Variants in KDM4B observed in about 807,000 individuals in gnomAD.
The protein encoded by KDM4B is lysine demethylase 4B.
KDM4B carries 32 observed loss-of-function variants against 125.2 expected under a neutral mutation model. The observed-to-expected ratio is 0.26, with a 90% CI of 0.19 to 0.34. KDM4B has a LOEUF of 0.34. Among genes scored for constraint, KDM4B ranks in the 10% least tolerant of loss-of-function variants. KDM4B has a pLI of 1.00. For synonymous variants in KDM4B, 721 were observed against 677.9 expected, an observed-to-expected ratio of 1.06 and a Z score of -0.99; for missense variants, 1,190 against 1,577.7, an observed-to-expected ratio of 0.75 and a Z score of 4.16.
intron 6 of KDM4B, among the ~76,000 whole-genome samples, chr19:5,068,002 C>T (rs538551807): frequency 5.3e-5 from 8 of 152,118 alleles, no homozygotes; most frequent in African/African-American, 9.7e-5. Context: ...TTTACAGCCC[C>T]GAGAAATTGC....
At chr19:4,992,263 TTTTG>T (rs1308650594) in intron 1 of KDM4B, among the ~76,000 whole-genome samples, 3 of 152,300 alleles carry the variant, frequency 2.0e-5, no homozygotes, top group South Asian at 2.1e-4. Flanking sequence ...GCTGTCTCTA[TTTTG>T]TTTATTTTTG....
intron 10 of KDM4B, chr19:5,112,159 A>C (rs1406296067): frequency 1.8e-5 from 5 of 279,892 alleles, no homozygotes; most frequent in Non-Finnish European, 3.4e-5. Context: ...AGGCTGAGGC[A>C]GGAAGATCAC....
rs1239765250 is a variant in KDM4B at position 5,137,594 on chromosome 19, T to C, written c.2386-27T>C. On this transcript the variant is annotated intron_variant, in intron 16 of 22. Transcript: ENST00000159111. ...GTGGGGAGCCTGCTCCGAGCCCTGC[T>C]CATCCAGGGCTGTCTGGTCTCCACA... is the stretch of plus-strand genomic sequence containing the variant. 2.5e-6 allele frequency: 4 copies of C among 1,596,018 alleles called. No homozygotes were observed. In the Admixed American group the frequency reaches 6.8e-5, roughly 27 times the overall value.
chr19:5,052,579 C>T (rs959169858), intron 6 of KDM4B, among the ~76,000 whole-genome samples: 7 of 152,178 alleles, frequency 4.6e-5, no homozygotes, highest in Non-Finnish European at 8.8e-5. Context: ...ACCTCCCTGG[C>T]CCACCCGCCT....
In KDM4B at chr19:4,971,605, G is replaced by A. The variant is rs1002098006; in HGVS notation, c.-109+2375G>A. Among the ~76,000 whole-genome samples the A allele has an allele frequency of 3.3e-5, 5 of 152,168 alleles. No individual in the cohort carries two copies. The highest frequency in any genetic ancestry group is 6.5e-5 in the Admixed American group (1 of 15,278). The stretch of plus-strand genomic sequence containing the variant: ...GGTTTCCAGTGCCGAGTGCCATGCC[G>A]GGACAGGTTGGGAGGAGTCCCTGGC... On this transcript the variant is annotated intron_variant, in intron 1 of 22. Transcript: ENST00000159111. The surrounding 1 kb of genome is among the most constrained non-coding windows in gnomAD (Gnocchi z 4.1).
At chr19:5,066,728 G>T (rs2037781611) in intron 6 of KDM4B, among the ~76,000 whole-genome samples, 1 of 152,220 alleles carries the variant, frequency 6.6e-6, no homozygotes, top group Non-Finnish European at 1.5e-5. Flanking sequence ...ACCAAGGGTG[G>T]CTACCAGGTA....
intron 1 of KDM4B, among the ~76,000 whole-genome samples, chr19:5,007,633 A>G (rs1473581567): frequency 6.8e-6 from 1 of 146,838 alleles, no homozygotes; most frequent in Non-Finnish European, 1.5e-5. Context: ...GCAGCCTCCA[A>G]CTCCCAGGCT....
intron 1 of KDM4B, among the ~76,000 whole-genome samples, chr19:5,005,951 G>T (rs1455295569): frequency 6.6e-6 from 1 of 152,140 alleles, no homozygotes; most frequent in Non-Finnish European, 1.5e-5. Flanking sequence ...ACAAGAGGTG[G>T]CTTCTCATCC....
chr19:5,004,224 C>T (rs934442803), intron 1 of KDM4B, among the ~76,000 whole-genome samples: 3 of 152,086 alleles, frequency 2.0e-5, no homozygotes, highest in African/African-American at 7.2e-5. Flanking sequence ...GAAGGAGACT[C>T]GTGGGAACCC....
At position 5,082,175 on chromosome 19, in the gene KDM4B, T is replaced by C. The variant is rs1384222738; in HGVS notation, c.781-192T>C. Among the ~76,000 whole-genome samples, 1 of 152,212 alleles carries C rather than the reference T, an allele frequency of 6.6e-6. No homozygotes were observed. The highest frequency in any genetic ancestry group is 1.9e-4 in the East Asian group (1 of 5,188). On this transcript the variant is annotated intron_variant, in intron 8 of 22. Transcript: ENST00000159111. The surrounding 1 kb of genome is among the most constrained non-coding windows in gnomAD (Gnocchi z 5.4). ...GAGCTGTGGCTGCGGCTGCTCACTA[T>C]GTCCTTCATGAGCCGCGTGGGAAAT...
intron 1 of KDM4B, among the ~76,000 whole-genome samples, chr19:4,987,566 G>C (rs1411742614): frequency 6.6e-6 from 1 of 152,172 alleles, no homozygotes; most frequent in Admixed American, 6.6e-5. Context: ...GTGGTTTATG[G>C]TCATGCTGAT....
At chr19:5,012,112 A>AG in intron 1 of KDM4B, among the ~76,000 whole-genome samples, 1 of 152,152 alleles carries the variant, frequency 6.6e-6, no homozygotes, top group Non-Finnish European at 1.5e-5. Flanking sequence ...TGCCAGTTCT[A>AG]TTCCTAGTGC....
At chr19:5,003,264 G>A (rs62114283) in intron 1 of KDM4B, among the ~76,000 whole-genome samples, 41,388 of 152,018 alleles carry the variant, frequency 0.27, 6,676 homozygotes, top group East Asian at 0.69. Context: ...CCAGGCGGGC[G>A]GATCACCTGA....
chr19:5,146,111 C>T (rs997179284), intron 21 of KDM4B, among the ~76,000 whole-genome samples: 19 of 144,466 alleles, frequency 1.3e-4, no homozygotes, highest in South Asian at 4.5e-4. Context: ...CCCCCACCCC[C>T]GGCCGTGCAG....
At chr19:4,977,931 C>T (rs199778726) in intron 1 of KDM4B, among the ~76,000 whole-genome samples, 1 of 152,184 alleles carries the variant, frequency 6.6e-6, no homozygotes, top group Non-Finnish European at 1.5e-5. Context: ...CCGGGACAGT[C>T]GCGTCATGTT....
At chr19:5,086,596 C>T (rs555840904) in intron 9 of KDM4B, among the ~76,000 whole-genome samples, 3 of 152,298 alleles carry the variant, frequency 2.0e-5, no homozygotes, top group South Asian at 2.1e-4. Context: ...CCTGTCTCCC[C>T]GTCTACAGAT....
In KDM4B at chr19:5,077,646, G is replaced by A. The variant is rs931719806; in HGVS notation, c.780+176G>A. On this transcript the variant is annotated intron_variant, in intron 8 of 22. Transcript: ENST00000159111. ...AGCAGTTAGCCTCCAGCTCTTCCAC[G>A]GGGAAGCGAAGATGGCAGAGCTTGA... The A allele has an allele frequency of 8.5e-6, 5 of 585,902 alleles. 1 individual carries two copies. Among genetic ancestry groups the A allele is most frequent in the South Asian group, 6.2e-5 (3 of 48,560 alleles). The allele number at this position is 585,902 out of a possible 1,614,324, so 36.3% of individuals were successfully genotyped here. A position where few individuals can be genotyped will look rare whatever the true frequency, so the allele number is the denominator to read the frequency against.
chr19:5,062,210 C>T (rs2037624087), intron 6 of KDM4B, among the ~76,000 whole-genome samples: 2 of 152,254 alleles, frequency 1.3e-5, no homozygotes, highest in South Asian at 4.1e-4. Context: ...GACCTCAGTG[C>T]TCTTGGCAGT....
chr19:5,013,892 C>T (rs1339194921), intron 1 of KDM4B, among the ~76,000 whole-genome samples: 1 of 152,198 alleles, frequency 6.6e-6, no homozygotes, highest in South Asian at 2.1e-4. Flanking sequence ...GTGACAGTGT[C>T]GGGTAGGCCT....
Sources: allele counts gnomAD v4.1 joint callset (sites outside exome capture counted in the v4.1 genomes callset), GRCh38; gene constraint gnomAD v4.1.1; non-coding constraint Gnocchi (gnomAD v3.1); transcripts MANE v1.5; gene names NCBI Gene and HGNC (gene_info 2026-07-23, HGNC 2026-07-21).